QTMAN: variants seen among roughly 807,000 people sequenced by gnomAD.
QTMAN encodes queuosine-tRNA mannosyltransferase, also known as tRNA-queuosine alpha-mannosyltransferase.
At chr2:144,289,742 A>G in the QTMAN span, among the ~76,000 whole-genome samples, 1 of 152,364 alleles carries the variant, frequency 6.6e-6, no homozygotes, top group Non-Finnish European at 1.5e-5. Context: ...AAACACTATA[A>G]CCAAAAGGCA....
At chr2:144,235,340 G>A in the QTMAN span, among the ~76,000 whole-genome samples, 1 of 152,104 alleles carries the variant, frequency 6.6e-6, no homozygotes, top group Non-Finnish European at 1.5e-5. Context: ...AAGATTAAAG[G>A]AGTTAAATGT....
chr2:144,265,231 C>T, the QTMAN span, among the ~76,000 whole-genome samples: 1 of 152,188 alleles, frequency 6.6e-6, no homozygotes, highest in African/African-American at 2.4e-5. Flanking sequence ...GGTCAAAGAC[C>T]AGACCTTGAA....
At chr2:144,090,192 C>A in the QTMAN span, among the ~76,000 whole-genome samples, 1 of 151,992 alleles carries the variant, frequency 6.6e-6, no homozygotes, top group African/African-American at 2.4e-5. Flanking sequence ...TCTCAGTGCA[C>A]TAGGCATAAA....
chr2:144,285,272 T>C, the QTMAN span, among the ~76,000 whole-genome samples: 2 of 152,282 alleles, frequency 1.3e-5, no homozygotes, highest in South Asian at 4.1e-4. Context: ...TCTAAGTATC[T>C]AAATATCCTA....
At chr2:143,993,320 T>C in the QTMAN span, among the ~76,000 whole-genome samples, 2 of 152,028 alleles carry the variant, frequency 1.3e-5, no homozygotes, top group East Asian at 1.9e-4. Flanking sequence ...ACATGGTGCT[T>C]GCATAAGCTT....
the QTMAN span, among the ~76,000 whole-genome samples, chr2:144,049,400 T>C: frequency 1.4e-3 from 214 of 152,284 alleles, 1 homozygote; most frequent in Middle Eastern, 3.4e-3. Flanking sequence ...AAACTGAAGT[T>C]ACTGATACGA....
chr2:144,265,516 T>G, the QTMAN span, among the ~76,000 whole-genome samples: 1 of 151,926 alleles, frequency 6.6e-6, no homozygotes, highest in African/African-American at 2.4e-5. Flanking sequence ...GCTAATACGG[T>G]GAAACTCTGT....
chr2:144,233,469 G>T, the QTMAN span, among the ~76,000 whole-genome samples: 4 of 152,152 alleles, frequency 2.6e-5, no homozygotes, highest in Admixed American at 1.3e-4. Flanking sequence ...GGAAATAATG[G>T]TGTAAGTGGG....
the QTMAN span, among the ~76,000 whole-genome samples, chr2:144,012,688 CATAA>C: frequency 6.6e-6 from 1 of 152,092 alleles, no homozygotes; most frequent in Admixed American, 6.6e-5. Flanking sequence ...TACAGAATCT[CATAA>C]ATAAATGCCC....
At chr2:144,103,078 G>C in the QTMAN span, among the ~76,000 whole-genome samples, 2 of 152,146 alleles carry the variant, frequency 1.3e-5, no homozygotes, top group African/African-American at 2.4e-5. Context: ...GGAATATATT[G>C]GATGGTGGTG....
At chr2:144,007,035 C>A in the QTMAN span, 1 of 551,824 alleles carries the variant, frequency 1.8e-6, no homozygotes, top group Admixed American at 3.6e-5. Flanking sequence ...TTAGTAGTAC[C>A]ACCTTGGCAG....
At chr2:144,210,968 T>G in the QTMAN span, 4 of 152,166 alleles carry the variant, frequency 2.6e-5, no homozygotes, top group Non-Finnish European at 4.4e-5. Flanking sequence ...CCCCAAGTGA[T>G]GAAATGTGAT....
At chr2:144,120,145 A>G in the QTMAN span, among the ~76,000 whole-genome samples, 2 of 152,236 alleles carry the variant, frequency 1.3e-5, no homozygotes, top group Non-Finnish European at 2.9e-5. Flanking sequence ...TGCAATTCCA[A>G]TTTCCCCTAG....
chr2:143,975,693 T>A, the QTMAN span, among the ~76,000 whole-genome samples: 1 of 152,220 alleles, frequency 6.6e-6, no homozygotes, highest in South Asian at 2.1e-4. Context: ...TCTGGCTACA[T>A]CTTTCTCTGC....
chr2:144,175,674 G>C, the QTMAN span, among the ~76,000 whole-genome samples: 2 of 138,956 alleles, frequency 1.4e-5, no homozygotes, highest in Non-Finnish European at 3.0e-5. Context: ...TATTTACAGA[G>C]AGAGAGAGAG....
At chr2:144,115,705 G>A in the QTMAN span, among the ~76,000 whole-genome samples, 9 of 152,150 alleles carry the variant, frequency 5.9e-5, no homozygotes, top group Non-Finnish European at 1.3e-4. Flanking sequence ...TCTTACCTGT[G>A]CCATTCCTTT....
the QTMAN span, among the ~76,000 whole-genome samples, chr2:144,101,700 T>G: frequency 7.9e-5 from 12 of 151,972 alleles, no homozygotes; most frequent in Admixed American, 1.3e-4. Flanking sequence ...TAAATATATA[T>G]AATATCAATA....
At chr2:144,202,395 T>C in the QTMAN span, among the ~76,000 whole-genome samples, 4 of 152,216 alleles carry the variant, frequency 2.6e-5, no homozygotes, top group African/African-American at 9.6e-5. Flanking sequence ...TAGAATTAAA[T>C]ACATCTTTTA....
At chr2:143,969,844 T>A in the QTMAN span, among the ~76,000 whole-genome samples, 1 of 152,206 alleles carries the variant, frequency 6.6e-6, no homozygotes, top group African/African-American at 2.4e-5. Context: ...TGGGTGTAGT[T>A]CTTGACACTG....
Sources: gnomAD v4.1 joint callset for allele counts (sites outside exome capture counted in the v4.1 genomes callset) on GRCh38, gnomAD v4.1.1 for gene constraint, MANE v1.5 for transcripts, NCBI Gene and HGNC (gene_info 2026-07-23, HGNC 2026-07-21) for gene names.